Variants in FBN3 observed in about 807,000 individuals in gnomAD.
FBN3 encodes the protein fibrillin-3.
In FBN3, 234 loss-of-function variants were observed where a neutral mutation model predicts 330.1. The ratio of observed to expected loss-of-function variants is 0.71; its 90% CI spans 0.64 to 0.79. The LOEUF (loss-of-function observed/expected upper bound fraction) is 0.79. Ranked by LOEUF, FBN3 falls within the 30% of genes least tolerant of loss-of-function variation. FBN3 has a pLI of 0.00. For missense variants in FBN3, 3,606 were observed against 3,886.9 expected, an observed-to-expected ratio of 0.93 and a Z score of 1.92; for synonymous variants, 1,458 against 1,517.3, an observed-to-expected ratio of 0.96 and a Z score of 0.91.
In FBN3 at chr19:8,079,888, C is replaced by A. The variant is rs957447122; in HGVS notation, c.7453+1115G>T. On this transcript the variant is annotated intron_variant, in intron 59 of 63. Coordinates refer to ENST00000600128, the MANE Select transcript of FBN3 (RefSeq NM_032447.5). Reference sequence around the variant, plus strand: ...TACAGGCATGAGCTACCACACCCAACCACACCATTCTGTTAATTTCTTGTT... The same window carrying A: ...TACAGGCATGAGCTACCACACCCAAACACACCATTCTGTTAATTTCTTGTT... Among the ~76,000 whole-genome samples, 4 of 152,204 alleles carry A rather than the reference C, an allele frequency of 2.6e-5. No individual in the cohort carries two copies. The East Asian group carries it at 7.7e-4, about 29-fold the overall frequency.
Position 8,117,155 on chromosome 19 carries a change from T to C in FBN3, c.3586+14A>G, listed in dbSNP as rs749829076. On this transcript the variant is annotated intron_variant, in intron 28 of 63. Coordinates refer to ENST00000600128, the MANE Select transcript of FBN3 (RefSeq NM_032447.5). ...CTCCACACCAGGCAGTGGGAAGAAG[T>C]TGTGCCCACCTACCTGCACATGCCC... 9.3e-6 allele frequency: 15 copies of C among 1,613,688 alleles called. No individual in the cohort carries two copies. The South Asian group carries it at 1.6e-4, about 18-fold the overall frequency.
chr19:8,118,870 C>A, intron 26 of FBN3, 27 bp downstream of exon 26: 1 of 1,596,292 alleles, frequency 6.3e-7, no homozygotes, highest in Non-Finnish European at 8.6e-7. Context: ...CTAACACTCA[C>A]ACTTGCACAC....
At chr19:8,098,146 A>G (rs1440052681) in intron 41 of FBN3, among the ~76,000 whole-genome samples, 3 of 151,778 alleles carry the variant, frequency 2.0e-5, no homozygotes, top group Admixed American at 6.6e-5. Flanking sequence ...TGTGAATTAT[A>G]TCTCAATAAA....
chr19:8,090,145 C>T lies in FBN3; in HGVS notation c.6138G>A (p.Gly2046=). 1 of 1,614,062 alleles carries T rather than the reference C, an allele frequency of 6.2e-7. No homozygotes were observed. Among genetic ancestry groups the T allele is most frequent in the South Asian group, 1.1e-5 (1 of 91,066 alleles). The change falls in exon 49 of 64, where the codon GGG becomes GGA. Residue 2046 remains glycine, a synonymous_variant. Coordinates refer to ENST00000600128, the MANE Select transcript of FBN3 (RefSeq NM_032447.5). The stretch of plus-strand genomic sequence containing the variant: ...GTTCGCAGGGGTCTCCCCAGCCCTC[C>T]CCAGGCCTCTTACTGCAGCAGCAGC... ...KTRCCCSKRP[G]EGWGDPCELC...
chr19:8,068,305 G>A lies in FBN3; in HGVS notation c.8089-2045C>T, dbSNP rs574931202. On this transcript the variant is annotated intron_variant, in intron 63 of 63. Coordinates refer to ENST00000600128, the MANE Select transcript of FBN3 (RefSeq NM_032447.5). ...ACTCCAGAGGCTGAGCCAGGAGAAT[G>A]GCATGAACCCAGGAGGCGGAGCTTG... 2.0e-5 allele frequency among the ~76,000 whole-genome samples: 3 copies of A among 151,634 alleles called. No homozygotes were observed. In the East Asian group the frequency reaches 5.8e-4, roughly 29 times the overall value.
Position 8,096,649 on chromosome 19 carries a change from C to G in FBN3, c.5414-80G>C, listed in dbSNP as rs2082215756. The G allele has an allele frequency of 6.6e-7, 1 of 1,509,614 alleles. No individual in the cohort carries two copies. Among genetic ancestry groups the G allele is most frequent in the African/African-American group, 1.4e-5 (1 of 72,644 alleles). The allele number at this position is 1,509,614 out of a possible 1,614,324, so 93.5% of individuals were successfully genotyped here. On this transcript the variant is annotated intron_variant, in intron 43 of 63. Coordinates refer to ENST00000600128, the MANE Select transcript of FBN3 (RefSeq NM_032447.5). The surrounding 1 kb of genome is among the most constrained non-coding windows in gnomAD (Gnocchi z 4.6). The stretch of plus-strand genomic sequence containing the variant: ...AGCTCTCCCTACTGCAATGGGGAAG[C>G]CAGAATCTGCCTTGAAGTTCCCCAC...
intron 5 of FBN3, 144 bp downstream of exon 5, chr19:8,145,699 A>AG: frequency 1.6e-5 from 9 of 547,000 alleles, no homozygotes; most frequent in East Asian, 3.2e-5. Flanking sequence ...AAAAAAAAAA[A>AG]AGAGACTGTG....
chr19:8,126,243 G>A, intron 21 of FBN3, 54 bp downstream of exon 21: 1 of 1,549,148 alleles, frequency 6.5e-7, no homozygotes, highest in East Asian at 2.3e-5. Flanking sequence ...TGGTGCGCCT[G>A]GTTGTGTGCG....
Position 8,100,882 on chromosome 19 carries a change from G to A in FBN3, c.5161+19C>T, listed in dbSNP as rs2082313181. The A allele has an allele frequency of 6.2e-7, 1 of 1,609,848 alleles. No individual in the cohort carries two copies. Among genetic ancestry groups the A allele is most frequent in the African/African-American group, 1.3e-5 (1 of 74,766 alleles). ...AGGTGGATGGGTGCCCAGGGATAGAGCAGGGACCACTCACTCACCAAGGGG... is the reference window on the plus strand; with the variant it reads ...AGGTGGATGGGTGCCCAGGGATAGAACAGGGACCACTCACTCACCAAGGGG... On this transcript the variant is annotated intron_variant, in intron 41 of 63. Coordinates refer to ENST00000600128, the MANE Select transcript of FBN3 (RefSeq NM_032447.5).
At chr19:8,112,558 G>A (rs1416064126) in intron 30 of FBN3, among the ~76,000 whole-genome samples, 1 of 152,236 alleles carries the variant, frequency 6.6e-6, no homozygotes, top group African/African-American at 2.4e-5. Context: ...GCTGAGGCAG[G>A]AGAATGGCGT....
rs773979870 is a variant in FBN3 at position 8,129,141 on chromosome 19, C to T, written c.2183G>A (p.Cys728Tyr). 1 of 1,612,274 alleles carries T rather than the reference C, an allele frequency of 6.2e-7. No individual in the cohort carries two copies. Among genetic ancestry groups the T allele is most frequent in the South Asian group, 1.1e-5 (1 of 90,948 alleles). Residue 728 changes from cysteine to tyrosine, a missense_variant, in exon 18 of 64, where the codon TGT becomes TAT. Transcript: ENST00000600128. This position sits in a 1 kb window ranked among gnomAD's most constrained non-coding sequence, Gnocchi z 4.5. ...SGKDCTDVDECALNSLLCDNG... is the reference protein window; with the variant it reads ...SGKDCTDVDEYALNSLLCDNG... ...GTCACACAGGAGGCTGTTGAGGGCA[C>T]ACTCATCCACGTCTGTGGGGTGGGG... is the stretch of plus-strand genomic sequence containing the variant.
intron 18 of FBN3, 121 bp from the exon 19 acceptor site, chr19:8,126,953 G>T: frequency 9.1e-7 from 1 of 1,096,036 alleles, no homozygotes; most frequent in Non-Finnish European, 1.3e-6. Context: ...AGATGCACAA[G>T]CATGCAGAGG....
At chr19:8,114,637 C>T (rs1485116776) in intron 30 of FBN3, among the ~76,000 whole-genome samples, 6 of 152,082 alleles carry the variant, frequency 3.9e-5, no homozygotes, top group Non-Finnish European at 8.8e-5. Context: ...GTCACCCAGG[C>T]TGGTCTCGAA....
rs61744943 is a variant in FBN3 at position 8,131,759 on chromosome 19, G to A, written c.1785C>T (p.Arg595=). 178,258 of 1,612,980 alleles carry A rather than the reference G, an allele frequency of 0.11. 12,259 individuals carry two copies. The highest frequency in any genetic ancestry group is 0.33 in the African/African-American group (24,721 of 74,962). ...CCGCCAGCCCCCCCAGGCACTGGCA[G>A]CGGAAGGAGCCCTCGGTGTTGGTAC... ...GHCTNTEGSF[R]CQCLGGLAVG... Residue 595 remains arginine (R), a synonymous_variant, in exon 15 of 64, where the codon CGC becomes CGT. Transcript: ENST00000600128. This position sits in a 1 kb window ranked among gnomAD's most constrained non-coding sequence, Gnocchi z 4.5.
intron 6 of FBN3, among the ~76,000 whole-genome samples, chr19:8,144,346 G>A (rs375737448): frequency 4.6e-5 from 7 of 151,832 alleles, no homozygotes; most frequent in Non-Finnish European, 8.8e-5. Flanking sequence ...GCAGTGAGCC[G>A]AGATCATATC....
chr19:8,069,507 CCTT>C (rs2081466191), intron 63 of FBN3, among the ~76,000 whole-genome samples: 3 of 152,120 alleles, frequency 2.0e-5, no homozygotes, highest in East Asian at 3.8e-4. Context: ...AGATCTCAGG[CCTT>C]CTTCCCACGG....
At chr19:8,144,021 G>A (rs2145054913) in intron 6 of FBN3, among the ~76,000 whole-genome samples, 1 of 151,810 alleles carries the variant, frequency 6.6e-6, no homozygotes, top group Admixed American at 6.6e-5. Flanking sequence ...TGCTACCCAG[G>A]TTGATCTCAA....
chr19:8,074,911 A>G (rs2081603730), intron 61 of FBN3, 160 bp downstream of exon 61: 1 of 867,128 alleles, frequency 1.2e-6, no homozygotes, highest in Non-Finnish European at 1.7e-6. Context: ...CTGCACCTTG[A>G]CTCCCCAGCA....
rs751054708 is a variant in FBN3 at position 8,146,235 on chromosome 19, T to G, written c.251-10A>C. On this transcript the variant is annotated splice_polypyrimidine_tract_variant and intron_variant, in intron 3 of 63. Coordinates refer to ENST00000600128, the MANE Select transcript of FBN3 (RefSeq NM_032447.5). ...GCGCGCCTACAGATGGCTGGATGAG[T>G]GCAGCGGGTGGCAGTCAAGACCAGG... 3.8e-6 allele frequency: 6 copies of G among 1,580,266 alleles called. No homozygotes were observed. Among genetic ancestry groups the G allele is most frequent in the Non-Finnish European group, 5.2e-6 (6 of 1,164,524 alleles).
Sources: allele counts gnomAD v4.1 joint callset (sites outside exome capture counted in the v4.1 genomes callset), GRCh38; gene constraint gnomAD v4.1.1; non-coding constraint Gnocchi (gnomAD v3.1); transcripts MANE v1.5; gene names NCBI Gene and HGNC (gene_info 2026-07-23, HGNC 2026-07-21).